Variants in FANCI observed in about 807,000 individuals in gnomAD.
The protein encoded by FANCI is FA complementation group I.
FANCI carries 156 observed loss-of-function variants against 176.1 expected under a neutral mutation model. That is an observed-to-expected ratio of 0.89 (90% confidence interval 0.78 to 1.01). The LOEUF (loss-of-function observed/expected upper bound fraction) is 1.01. Ranked by LOEUF, FANCI falls within the 50% of genes least tolerant of loss-of-function variation. The pLI, the probability that FANCI is intolerant of heterozygous loss-of-function variation, is 0.00. For missense variants in FANCI, 1,678 were observed against 1,534.1 expected, an observed-to-expected ratio of 1.09 and a Z score of -1.57; for synonymous variants, 613 against 541.7, an observed-to-expected ratio of 1.13 and a Z score of -1.83.
Position 89,292,801 on chromosome 15 carries a change from A to T in FANCI, c.2106A>T (p.Leu702=). The T allele has an allele frequency of 6.2e-7, 1 of 1,614,122 alleles. No individual in the cohort carries two copies. Among genetic ancestry groups the T allele is most frequent in the Non-Finnish European group, 8.5e-7 (1 of 1,180,012 alleles). ...AGGAAGAGGCATTCTACGAAGACCT[A>T]GATGATATATTGGAGTCCATTACTA... ...EEEEEAFYED[L]DDILESITNR... Residue 702 remains leucine, a synonymous_variant, in exon 21 of 38, where the codon CTA becomes CTT. Coordinates refer to ENST00000310775, the MANE Select transcript of FANCI (RefSeq NM_001113378.2).
chr15:89,291,541 T>G (rs2054070691), intron 19 of FANCI, 72 bp from the exon 20 acceptor site: 1 of 1,203,492 alleles, frequency 8.3e-7, no homozygotes, highest in South Asian at 1.2e-5. Flanking sequence ...TAAAGATACC[T>G]TTCACCTGAG....
intron 4 of FANCI, 137 bp from the exon 5 acceptor site, chr15:89,261,448 G>A (rs2052708740): frequency 9.4e-7 from 1 of 1,069,514 alleles, no homozygotes; most frequent in Admixed American, 1.8e-5. Flanking sequence ...AGAGCAGAAT[G>A]ATTCCATAAA....
At chr15:89,280,562 C>A (rs945352508) in intron 14 of FANCI, among the ~76,000 whole-genome samples, 1 of 151,874 alleles carries the variant, frequency 6.6e-6, no homozygotes, top group South Asian at 2.1e-4. Flanking sequence ...TCTTTTAGAA[C>A]CTAGTTTAAG....
chr15:89,306,528 C>T (rs922416230), intron 32 of FANCI, among the ~76,000 whole-genome samples: 6 of 151,914 alleles, frequency 3.9e-5, no homozygotes, highest in African/African-American at 1.5e-4. Context: ...CCCGTCTCTA[C>T]TAAAAATACA....
intron 18 of FANCI, among the ~76,000 whole-genome samples, chr15:89,286,901 C>T (rs1041150678): frequency 2.0e-5 from 3 of 149,842 alleles, no homozygotes; most frequent in African/African-American, 7.3e-5. Context: ...ATAACCACCT[C>T]GATCAATTAT....
At chr15:89,268,372 C>T in intron 9 of FANCI, 27 bp from the exon 10 acceptor site, 1 of 1,613,796 alleles carries the variant, frequency 6.2e-7, no homozygotes, top group Non-Finnish European at 8.5e-7. Flanking sequence ...CACCTTATAG[C>T]TCATAACTTT....
At chr15:89,312,537 TTGG>T (rs1289149249) in intron 34 of FANCI, among the ~76,000 whole-genome samples, 67 of 152,372 alleles carry the variant, frequency 4.4e-4, no homozygotes, top group African/African-American at 1.6e-3. Context: ...TTGCCACTAG[TTGG>T]TGGGCATGGT....
chr15:89,295,150 A>AG, intron 24 of FANCI, 56 bp downstream of exon 24: 2 of 1,513,362 alleles, frequency 1.3e-6, no homozygotes, highest in South Asian at 2.5e-5. Context: ...TGTCTCCAAG[A>AG]GAACAAACTG....
chr15:89,303,953 A>C, intron 28 of FANCI, 38 bp downstream of exon 28: 1 of 1,587,780 alleles, frequency 6.3e-7, no homozygotes, highest in African/African-American at 1.3e-5. Flanking sequence ...GGCTTTATAT[A>C]AAATCACTAT....
Position 89,273,322 on chromosome 15 carries a change from A to G in FANCI, c.883-55A>G, listed in dbSNP as rs2053272536. On this transcript the variant is annotated intron_variant, in intron 10 of 37. Coordinates refer to ENST00000310775, the MANE Select transcript of FANCI (RefSeq NM_001113378.2). ...ATCTTTTTTTTTTTAAAAAAAAAAAAAAAAGAAAAAAGAAAATGTAAGTAA... is the reference window on the plus strand; with the variant it reads ...ATCTTTTTTTTTTTAAAAAAAAAAAGAAAAGAAAAAAGAAAATGTAAGTAA... 9.7e-6 allele frequency: 9 copies of G among 927,944 alleles called. No homozygotes were observed. The Admixed American group carries it at 1.1e-4, about 11-fold the overall frequency. 57.5% of individuals were successfully genotyped at this position (927,944 alleles called of 1,614,324 possible).
At chr15:89,271,078 A>G (rs549634886) in intron 10 of FANCI, among the ~76,000 whole-genome samples, 1 of 151,176 alleles carries the variant, frequency 6.6e-6, no homozygotes, top group Non-Finnish European at 1.5e-5. Flanking sequence ...TTTCCATTTG[A>G]TTGCTGTTTT....
At chr15:89,314,111 G>A (rs1486432766) in intron 35 of FANCI, among the ~76,000 whole-genome samples, 1 of 148,002 alleles carries the variant, frequency 6.8e-6, no homozygotes, top group Non-Finnish European at 1.5e-5. Flanking sequence ...TTCACGTTAG[G>A]AGGAAAGACA....
chr15:89,279,641 C>A (rs2053539958), intron 14 of FANCI, among the ~76,000 whole-genome samples: 1 of 152,108 alleles, frequency 6.6e-6, no homozygotes, highest in South Asian at 2.1e-4. Flanking sequence ...TTCCTTTTAC[C>A]TCAAATATAA....
chr15:89,288,817 T>C lies in FANCI; in HGVS notation c.1822-1396T>C, dbSNP rs375908722. The stretch of plus-strand genomic sequence containing the variant: ...TTTCTGTTTGTTTTTTTTTTTAACC[T>C]TTTGTAGAGACAGGGTCTCACTTTG... On this transcript the variant is annotated intron_variant, in intron 18 of 37. Coordinates refer to ENST00000310775, the MANE Select transcript of FANCI (RefSeq NM_001113378.2). 3.3e-5 allele frequency among the ~76,000 whole-genome samples: 5 copies of C among 151,862 alleles called. No individual in the cohort carries two copies. In the East Asian group the frequency reaches 5.8e-4, roughly 18 times the overall value.
At chr15:89,244,203 C>G (rs575395492) in intron 1 of FANCI, 170 bp downstream of exon 1, 1 of 152,902 alleles carries the variant, frequency 6.5e-6, no homozygotes, top group Non-Finnish European at 1.5e-5. Context: ...CGCCGCCTGC[C>G]TCAGCTTTCG....
intron 10 of FANCI, among the ~76,000 whole-genome samples, chr15:89,272,583 A>G (rs181275357): frequency 1.3e-5 from 2 of 152,234 alleles, no homozygotes; most frequent in East Asian, 1.9e-4. Flanking sequence ...AAATTTTTCT[A>G]TATGTTTTCC....
At chr15:89,264,703 C>G (rs1425492936) in intron 9 of FANCI, 96 bp downstream of exon 9, 7 of 1,098,892 alleles carry the variant, frequency 6.4e-6, no homozygotes, top group African/African-American at 4.7e-5. Flanking sequence ...TCACCGCCTA[C>G]CTTCACCTCA....
intron 2 of FANCI, among the ~76,000 whole-genome samples, chr15:89,253,105 G>A (rs970888200): frequency 9.2e-5 from 14 of 152,022 alleles, no homozygotes; most frequent in African/African-American, 3.4e-4. Context: ...AAACAGAAAC[G>A]GAATAGGATA....
chr15:89,254,251 T>A (rs1454878815), intron 2 of FANCI, among the ~76,000 whole-genome samples: 2 of 152,078 alleles, frequency 1.3e-5, no homozygotes, highest in Non-Finnish European at 2.9e-5. Context: ...AACACACCCA[T>A]CACCTAGATC....
Sources: allele counts gnomAD v4.1 joint callset (sites outside exome capture counted in the v4.1 genomes callset), GRCh38; gene constraint gnomAD v4.1.1; transcripts MANE v1.5; gene names NCBI Gene and HGNC (gene_info 2026-07-23, HGNC 2026-07-21).